Variants in CTNND2 observed in about 807,000 individuals in gnomAD.
CTNND2 encodes catenin delta-2.
Under a neutral mutation model 144.4 loss-of-function variants are expected in CTNND2, and 22 were observed. That is an observed-to-expected ratio of 0.15 (90% CI 0.11 to 0.22). The LOEUF (loss-of-function observed/expected upper bound fraction) is 0.22. Ranked by LOEUF, CTNND2 falls within the 10% of genes least tolerant of loss-of-function variation. The pLI, the probability that CTNND2 is intolerant of heterozygous loss-of-function variation, is 1.00. For synonymous variants in CTNND2, 751 were observed against 695.6 expected (o/e 1.08, Z -1.25); for missense variants, 1,353 against 1,618.8 (o/e 0.84, Z 2.82).
chr5:10,987,192 A>G (rs2149493051), intron 20 of CTNND2, among the ~76,000 whole-genome samples: 1 of 152,354 alleles, frequency 6.6e-6, no homozygotes, highest in Non-Finnish European at 1.5e-5. Flanking sequence ...CTCTACAGCC[A>G]GAGCCCACAT....
chr5:11,793,577 C>G (rs1301872472), intron 1 of CTNND2, among the ~76,000 whole-genome samples: 1 of 152,162 alleles, frequency 6.6e-6, no homozygotes, highest in African/African-American at 2.4e-5. Context: ...AGGCAGAACG[C>G]CATGGGAACA....
intron 1 of CTNND2, among the ~76,000 whole-genome samples, chr5:11,798,685 T>C (rs1561806519): frequency 6.6e-6 from 1 of 151,806 alleles, no homozygotes; most frequent in Non-Finnish European, 1.5e-5. Flanking sequence ...GAGAATCACT[T>C]GAACCAGGGA....
At chr5:11,485,335 GAGAC>G (rs983180262) in intron 3 of CTNND2, among the ~76,000 whole-genome samples, 5 of 149,328 alleles carry the variant, frequency 3.3e-5, no homozygotes, top group African/African-American at 5.0e-5. Context: ...CAGAGAGAGA[GAGAC>G]AGAGACTGTG....
chr5:11,675,587 G>T (rs10054362), intron 2 of CTNND2, among the ~76,000 whole-genome samples: 1 of 151,572 alleles, frequency 6.6e-6, no homozygotes, highest in African/African-American at 2.4e-5. Flanking sequence ...TGAATTTTGC[G>T]TTCACCAGTC....
intron 3 of CTNND2, among the ~76,000 whole-genome samples, chr5:11,564,354 G>A (rs1352595469): frequency 6.6e-6 from 1 of 152,076 alleles, no homozygotes; most frequent in African/African-American, 2.4e-5. Context: ...GTTCTAAGGA[G>A]GATAATTTTA....
At chr5:11,372,812 G>A (rs1041158018) in intron 7 of CTNND2, among the ~76,000 whole-genome samples, 19 of 152,288 alleles carry the variant, frequency 1.2e-4, no homozygotes, top group African/African-American at 3.4e-4. Context: ...CAATGCTGGC[G>A]CTGCTGGTCC....
chr5:11,324,280 C>G (rs188611128), intron 9 of CTNND2, among the ~76,000 whole-genome samples: 3 of 152,212 alleles, frequency 2.0e-5, no homozygotes, highest in African/African-American at 7.2e-5. Context: ...AATAATAATG[C>G]CCACACCATT....
chr5:11,431,104 T>C (rs1460925802), intron 3 of CTNND2, among the ~76,000 whole-genome samples: 1 of 152,144 alleles, frequency 6.6e-6, no homozygotes, highest in Non-Finnish European at 1.5e-5. Context: ...TTTACTGAGG[T>C]TATATCATTT....
chr5:11,472,731 G>A (rs1035555955), intron 3 of CTNND2, among the ~76,000 whole-genome samples: 2 of 152,134 alleles, frequency 1.3e-5, no homozygotes, highest in Admixed American at 1.3e-4. Context: ...AACTGATATT[G>A]ATTTTTATAT....
rs531596947 is a variant in CTNND2, at chr5:11,865,663, C to T, written c.37+38154G>A. On this transcript the variant is annotated intron_variant, in intron 1 of 21. Transcript: ENST00000304623. ...ATGTTATGTTCAACACAAAAGAGAA[C>T]TAAGGTTGCAGATAGAATTAAGGTC... Among the ~76,000 whole-genome samples, 3 of 152,060 alleles carry T rather than the reference C, an allele frequency of 2.0e-5. No individual in the cohort carries two copies. In the South Asian group the frequency reaches 6.2e-4, roughly 32 times the overall value.
chr5:11,579,957 T>C (rs186992578), intron 2 of CTNND2, among the ~76,000 whole-genome samples: 20 of 152,298 alleles, frequency 1.3e-4, no homozygotes, highest in African/African-American at 3.8e-4. Flanking sequence ...CAATTTTCCC[T>C]TGCTGTTCAA....
intron 9 of CTNND2, among the ~76,000 whole-genome samples, chr5:11,308,139 T>C: frequency 6.6e-6 from 1 of 152,292 alleles, no homozygotes; most frequent in South Asian, 2.1e-4. Context: ...GTTTGTGGCA[T>C]TTTGTTACAG....
In CTNND2 at chr5:11,774,550, T is replaced by TA. The variant is rs769073186; in HGVS notation, c.38-42279dup. Among the ~76,000 whole-genome samples, 23 of 24,326 alleles carry TA rather than the reference T, an allele frequency of 9.5e-4. 1 individual carries two copies. Among genetic ancestry groups the TA allele is most frequent in the African/African-American group, 1.1e-3 (21 of 18,536 alleles). 16.0% of individuals were successfully genotyped at this position (24,326 alleles called of 152,430 possible). A position where few individuals can be genotyped will look rare whatever the true frequency, so the allele number is the denominator to read the frequency against. ...ATGTACCCTAAAACTTAAAGTATAA[T>TA]AAAAAAAAATTAAAAAAAAAAACAA... is the stretch of plus-strand genomic sequence containing the variant. On this transcript the variant is annotated intron_variant, in intron 1 of 21. Transcript: ENST00000304623.
intron 3 of CTNND2, among the ~76,000 whole-genome samples, chr5:11,525,176 C>T (rs1326457321): frequency 6.6e-6 from 1 of 152,152 alleles, no homozygotes; most frequent in East Asian, 1.9e-4. Flanking sequence ...TTAGCTGCAG[C>T]CAAACATCCA....
chr5:11,240,595 A>T, intron 9 of CTNND2, among the ~76,000 whole-genome samples: 1 of 134,432 alleles, frequency 7.4e-6, no homozygotes, highest in South Asian at 2.5e-4. Flanking sequence ...TACTCAGCAC[A>T]CACACCCAAC....
intron 5 of CTNND2, among the ~76,000 whole-genome samples, chr5:11,405,789 G>A (rs1761045573): frequency 6.6e-6 from 1 of 152,122 alleles, no homozygotes. Flanking sequence ...GGAAGTGAGT[G>A]TAAGTGAATT....
intron 14 of CTNND2, among the ~76,000 whole-genome samples, chr5:11,104,877 T>C (rs956894088): frequency 6.6e-5 from 10 of 152,240 alleles, no homozygotes; most frequent in Non-Finnish European, 1.0e-4. Flanking sequence ...GATGAGGTGC[T>C]GTCTGAACAA....
chr5:11,031,274 A>G (rs554985399), intron 16 of CTNND2, among the ~76,000 whole-genome samples: 262 of 152,290 alleles, frequency 1.7e-3, no homozygotes, highest in African/African-American at 6.1e-3. Flanking sequence ...AGAAGCAGCA[A>G]TCAGCAGAAA....
At chr5:11,802,601 TGTAA>T (rs1791756672) in intron 1 of CTNND2, among the ~76,000 whole-genome samples, 1 of 152,086 alleles carries the variant, frequency 6.6e-6, no homozygotes, top group African/African-American at 2.4e-5. Context: ...AATCATACTA[TGTAA>T]GTATTTCAGT....
Sources: gnomAD v4.1 joint callset for allele counts (sites outside exome capture counted in the v4.1 genomes callset) on GRCh38, gnomAD v4.1.1 for gene constraint, MANE v1.5 for transcripts, NCBI Gene and HGNC (gene_info 2026-07-23, HGNC 2026-07-21) for gene names.